The following ASPRV1 variants were observed in gnomAD, a reference collection of about 807,000 sequenced individuals.
The protein encoded by ASPRV1 is retroviral-like aspartic protease 1.
ASPRV1 carries 7 observed loss-of-function variants against 11.0 expected under a neutral mutation model. The ratio of observed to expected loss-of-function variants is 0.64; its 90% CI spans 0.36 to 1.20. The LOEUF (loss-of-function observed/expected upper bound fraction) is 1.20. Ranked by LOEUF, ASPRV1 falls within the 50% of genes most tolerant of loss-of-function variation. ASPRV1 has a pLI of 0.02. For synonymous variants in ASPRV1, 136 were observed against 138.4 expected (o/e 0.98, Z 0.12); for missense variants, 299 against 320.0 (o/e 0.93, Z 0.50).
the ASPRV1 span, among the ~76,000 whole-genome samples, chr2:69,974,023 A>G: frequency 6.6e-6 from 1 of 152,238 alleles, no homozygotes; most frequent in African/African-American, 2.4e-5. Context: ...ACATAATCTT[A>G]AAAGAATAAA....
chr2:70,079,018 G>A, the ASPRV1 span, among the ~76,000 whole-genome samples: 3 of 152,120 alleles, frequency 2.0e-5, no homozygotes, highest in Non-Finnish European at 4.4e-5. Flanking sequence ...TGAAAAAACA[G>A]ATTTAAGGGA....
the ASPRV1 span, among the ~76,000 whole-genome samples, chr2:69,989,580 G>A: frequency 6.0e-4 from 92 of 152,336 alleles, no homozygotes; most frequent in African/African-American, 1.7e-3. Context: ...CAGTCCCGGC[G>A]CTCATTTGGG....
chr2:69,950,686 C>G, the ASPRV1 span, among the ~76,000 whole-genome samples: 2 of 151,684 alleles, frequency 1.3e-5, no homozygotes, highest in African/African-American at 4.8e-5. Context: ...CTACTAAACA[C>G]ACAAAAATTA....
At chr2:70,055,386 T>C in the ASPRV1 span, among the ~76,000 whole-genome samples, 1 of 152,058 alleles carries the variant, frequency 6.6e-6, no homozygotes, top group Non-Finnish European at 1.5e-5. Context: ...CCAACCCAAA[T>C]GCCCATTAAT....
At chr2:70,016,928 A>G in the ASPRV1 span, among the ~76,000 whole-genome samples, 1 of 152,198 alleles carries the variant, frequency 6.6e-6, no homozygotes, top group Non-Finnish European at 1.5e-5. Flanking sequence ...GGATGGTTCA[A>G]CATATACAAA....
chr2:70,042,640 C>G, the ASPRV1 span, among the ~76,000 whole-genome samples: 5 of 152,236 alleles, frequency 3.3e-5, no homozygotes, highest in East Asian at 9.6e-4. Flanking sequence ...ACTGGAGACA[C>G]TGGCTCTAAT....
At chr2:70,047,697 T>C in the ASPRV1 span, among the ~76,000 whole-genome samples, 38 of 152,094 alleles carry the variant, frequency 2.5e-4, no homozygotes, top group East Asian at 7.7e-4. Context: ...GGAAGAGGGA[T>C]TGGAGAAGAG....
chr2:70,073,772 C>T, the ASPRV1 span, among the ~76,000 whole-genome samples: 13 of 152,034 alleles, frequency 8.6e-5, no homozygotes, highest in African/African-American at 3.1e-4. Flanking sequence ...CCTAGATCTA[C>T]CTTCTTCAGG....
the ASPRV1 span, chr2:70,063,907 C>T: frequency 1.3e-5 from 2 of 152,200 alleles, no homozygotes; most frequent in African/African-American, 4.8e-5. Context: ...ACTCACTATC[C>T]AGGTGCTCCA....
At chr2:69,977,657 C>T in the ASPRV1 span, among the ~76,000 whole-genome samples, 1 of 152,108 alleles carries the variant, frequency 6.6e-6, no homozygotes, top group African/African-American at 2.4e-5. Context: ...TAGGAGGGGC[C>T]TAATAAATAC....
At chr2:69,939,454 T>G in the ASPRV1 span, 1 of 152,656 alleles carries the variant, frequency 6.6e-6, no homozygotes, top group African/African-American at 2.4e-5. Flanking sequence ...CTTTGTAGCA[T>G]TTTTATTTAA....
the ASPRV1 span, among the ~76,000 whole-genome samples, chr2:69,973,355 C>G: frequency 6.6e-6 from 1 of 151,896 alleles, no homozygotes; most frequent in African/African-American, 2.4e-5. Flanking sequence ...AAAGTGAAGC[C>G]AGAAAGACAG....
At chr2:70,085,645 G>A in the ASPRV1 span, 1 of 152,212 alleles carries the variant, frequency 6.6e-6, no homozygotes, top group Non-Finnish European at 1.5e-5. Context: ...GAGAGAGAGA[G>A]AGAGAGAGAT....
At chr2:70,002,042 A>G in the ASPRV1 span, among the ~76,000 whole-genome samples, 1 of 152,250 alleles carries the variant, frequency 6.6e-6, no homozygotes, top group African/African-American at 2.4e-5. Context: ...AAAGGATATA[A>G]CCAAAACCAT....
the ASPRV1 span, among the ~76,000 whole-genome samples, chr2:70,004,982 T>C: frequency 2.0e-5 from 3 of 152,302 alleles, no homozygotes; most frequent in South Asian, 4.2e-4. Flanking sequence ...GTTAAATGAA[T>C]GCATGAAGAT....
chr2:70,020,222 T>C, the ASPRV1 span, among the ~76,000 whole-genome samples: 1 of 152,178 alleles, frequency 6.6e-6, no homozygotes, highest in Non-Finnish European at 1.5e-5. Flanking sequence ...CCATATGATC[T>C]AGCAATTCCA....
upstream of ASPRV1, among the ~76,000 whole-genome samples, chr2:69,965,780 C>T (rs566851177): frequency 6.6e-6 from 1 of 152,296 alleles, no homozygotes; most frequent in East Asian, 1.9e-4. Flanking sequence ...GGCAGGACAG[C>T]TTGACCTTGA....
the ASPRV1 span, among the ~76,000 whole-genome samples, chr2:69,954,397 T>G: frequency 6.6e-6 from 1 of 152,224 alleles, no homozygotes; most frequent in Admixed American, 6.5e-5. Flanking sequence ...TTTTACTGCT[T>G]CTTAGATCCA....
At chr2:69,970,341 T>C in the ASPRV1 span, among the ~76,000 whole-genome samples, 6 of 152,206 alleles carry the variant, frequency 3.9e-5, no homozygotes, top group African/African-American at 1.4e-4. Flanking sequence ...CATGCCATTC[T>C]GCTCAAAATT....
Sources: gnomAD v4.1 joint callset for allele counts (sites outside exome capture counted in the v4.1 genomes callset) on GRCh38, gnomAD v4.1.1 for gene constraint, MANE v1.5 for transcripts, NCBI Gene and HGNC (gene_info 2026-07-23, HGNC 2026-07-21) for gene names.